FGF13: variants seen among roughly 807,000 people sequenced by gnomAD.
FGF13 encodes fibroblast growth factor homologous factor 2.
In FGF13, 2 loss-of-function variants were observed where a neutral mutation model predicts 19.5. That is an observed-to-expected ratio of 0.10 (90% CI 0.04 to 0.32). The LOEUF (loss-of-function observed/expected upper bound fraction) is 0.32, where lower values mean the gene tolerates loss of function less well. Ranked by LOEUF, FGF13 falls within the 10% of genes least tolerant of loss-of-function variation. The pLI, the probability that FGF13 is intolerant of heterozygous loss-of-function variation, is 1.00. For synonymous variants in FGF13, 72 were observed against 76.9 expected, an observed-to-expected ratio of 0.94 and a Z score of 0.33; for missense variants, 113 against 192.7, an observed-to-expected ratio of 0.59 and a Z score of 2.45.
At chrX:139,101,000 A>G (rs891687668) in intron 1 of FGF13, among the ~76,000 whole-genome samples, 9 of 111,739 alleles carry the variant, frequency 8.1e-5, no homozygotes, top group Non-Finnish European at 1.5e-4. Context: ...ACAAAAAATC[A>G]AGCAAGAAGA....
At chrX:138,914,294 A>G (rs769483296) in intron 1 of FGF13, among the ~76,000 whole-genome samples, 4 of 107,188 alleles carry the variant, frequency 3.7e-5, no homozygotes, top group Admixed American at 2.1e-4. Flanking sequence ...CTTTCACACA[A>G]ATACCATTAC....
intron 1 of FGF13, among the ~76,000 whole-genome samples, chrX:139,081,741 T>TGTC (rs1556356402): frequency 1.3e-4 from 15 of 111,287 alleles, no homozygotes; most frequent in Non-Finnish European, 2.6e-4. Context: ...TCTCTCTCTC[T>TGTC]TATGTGTTGC....
intron 1 of FGF13, among the ~76,000 whole-genome samples, chrX:139,038,305 G>A (rs1313641998): frequency 1.8e-5 from 2 of 110,593 alleles, no homozygotes; most frequent in African/African-American, 6.6e-5. Flanking sequence ...CGACCACAGC[G>A]TTGTATATAT....
At chrX:138,758,570 C>A (rs958181650) in intron 3 of FGF13, among the ~76,000 whole-genome samples, 8 of 111,095 alleles carry the variant, frequency 7.2e-5, no homozygotes, top group Non-Finnish European at 3.8e-5. Flanking sequence ...TGAGATGAGT[C>A]CAATCTGGCT....
chrX:139,156,216 A>G (rs969271866), intron 1 of FGF13, among the ~76,000 whole-genome samples: 1 of 112,378 alleles, frequency 8.9e-6, no homozygotes, highest in Non-Finnish European at 1.9e-5. Context: ...TAGATTCATT[A>G]TAAACCCACT....
chrX:138,663,835 G>T (rs1029003838), intron 3 of FGF13, among the ~76,000 whole-genome samples: 2 of 111,407 alleles, frequency 1.8e-5, no homozygotes, highest in Admixed American at 1.9e-4. Flanking sequence ...AGAGAGAGAG[G>T]AGGGGGACCA....
At chrX:138,944,199 G>T (rs2091771923) in intron 1 of FGF13, among the ~76,000 whole-genome samples, 1 of 111,118 alleles carries the variant, frequency 9.0e-6, no homozygotes, top group South Asian at 3.8e-4. Flanking sequence ...GTGTGACCTT[G>T]GGCCAATCAC....
At chrX:138,814,335 T>C (rs1602901264) in intron 3 of FGF13, among the ~76,000 whole-genome samples, 2 of 110,241 alleles carry the variant, frequency 1.8e-5, no homozygotes, top group Admixed American at 1.9e-4. Context: ...CTATAAATCA[T>C]CTATAATTTA....
intron 1 of FGF13, among the ~76,000 whole-genome samples, chrX:139,043,696 CA>C (rs955985810): frequency 9.0e-6 from 1 of 111,403 alleles, no homozygotes; most frequent in African/African-American, 3.3e-5. Context: ...TCACAATAGC[CA>C]AAAAGTGGAA....
intron 1 of FGF13, among the ~76,000 whole-genome samples, chrX:139,001,607 CA>C (rs748014972): frequency 4.5e-5 from 5 of 112,034 alleles, no homozygotes; most frequent in African/African-American, 1.6e-4. Flanking sequence ...CATCACTGGT[CA>C]TTGGAAAATA....
intron 1 of FGF13, among the ~76,000 whole-genome samples, chrX:139,030,165 A>C (rs1346601179): frequency 2.7e-5 from 3 of 111,738 alleles, no homozygotes; most frequent in Non-Finnish European, 5.7e-5. Context: ...ATATAACTTA[A>C]GAATAAGAAA....
intron 1 of FGF13, among the ~76,000 whole-genome samples, chrX:139,014,961 A>AAAATCAT (rs2124377886): frequency 8.9e-6 from 1 of 111,804 alleles, no homozygotes; most frequent in East Asian, 2.8e-4. Context: ...ATGAAAGACA[A>AAAATCAT]AAATCATATG....
rs150095518 is a variant in FGF13, at chrX:138,862,890, C to T, written c.-39+1687G>A. 5.2e-3 allele frequency among the ~76,000 whole-genome samples: 585 copies of T among 111,748 alleles called. 6 individuals are homozygous for T. The highest frequency in any genetic ancestry group is 0.018 in the African/African-American group (551 of 30,763). On this transcript the variant is annotated intron_variant, in intron 2 of 2. Transcript: ENST00000421460. ...AAGCATTACTAGGTCTTCATCCATC[C>T]TATGTTTCTTCAGGCTAACTTGCTC... is the stretch of plus-strand genomic sequence containing the variant.
intron 1 of FGF13, among the ~76,000 whole-genome samples, chrX:139,128,728 G>C (rs1424267292): frequency 3.6e-5 from 4 of 112,034 alleles, no homozygotes; most frequent in Non-Finnish European, 7.5e-5. Context: ...TGAAAACGTT[G>C]CATTCGTTCA....
chrX:138,988,624 T>C (rs942075713), intron 1 of FGF13, among the ~76,000 whole-genome samples: 1 of 112,376 alleles, frequency 8.9e-6, no homozygotes, highest in Non-Finnish European at 1.9e-5. Context: ...GTATATATGA[T>C]TGCAACATGT....
At chrX:139,025,267 A>AT (rs1234190160) in intron 1 of FGF13, among the ~76,000 whole-genome samples, 1 of 111,598 alleles carries the variant, frequency 9.0e-6, no homozygotes, top group South Asian at 3.7e-4. Context: ...CCTTTGCTGG[A>AT]TTTTCAGCTA....
At position 139,169,447 on chromosome X, in the gene FGF13, C is replaced by T. The variant is rs183097547; in HGVS notation, c.-113+33969G>A. Among the ~76,000 whole-genome samples the T allele has an allele frequency of 1.5e-3, 161 of 110,231 alleles. 4 individuals carry two copies. In the Middle Eastern group the frequency reaches 0.038, roughly 26 times the overall value. ...TCCCCTTGCTTATCTCTGGCCTAGG[C>T]ACCTCTTTTATCCCCTGCTTGCTTG... is the stretch of plus-strand genomic sequence containing the variant. On this transcript the variant is annotated intron_variant, in intron 1 of 2. Transcript: ENST00000421460.
intron 3 of FGF13, among the ~76,000 whole-genome samples, chrX:138,677,137 T>C (rs930370964): frequency 4.5e-5 from 5 of 112,112 alleles, no homozygotes; most frequent in Non-Finnish European, 7.5e-5. Flanking sequence ...TGACAGAAAA[T>C]TTCTGTAAAA....
At chrX:138,677,724 A>G (rs1434149983) in intron 3 of FGF13, among the ~76,000 whole-genome samples, 26 of 112,202 alleles carry the variant, frequency 2.3e-4, no homozygotes, top group African/African-American at 7.8e-4. Context: ...CTTTTACACT[A>G]TTGGTGGGAC....
Sources: allele counts gnomAD v4.1 joint callset (sites outside exome capture counted in the v4.1 genomes callset), GRCh38; gene constraint gnomAD v4.1.1; transcripts MANE v1.5; gene names NCBI Gene and HGNC (gene_info 2026-07-23, HGNC 2026-07-21).